Variants in SLC35F3 observed in about 807,000 individuals in gnomAD.
SLC35F3 encodes putative thiamine transporter SLC35F3.
A neutral mutation model predicts 49.9 loss-of-function variants in SLC35F3; 25 were observed. The observed-to-expected ratio is 0.50, with a 90% CI of 0.37 to 0.70. The LOEUF is 0.70. Among genes scored for constraint, SLC35F3 ranks in the 30% least tolerant of loss-of-function variants. The pLI is 0.00. For missense variants in SLC35F3, 525 were observed against 639.8 expected (o/e 0.82, Z 1.94); for synonymous variants, 275 against 265.4 (o/e 1.04, Z -0.35).
At chr1:234,093,990 C>G (rs1233171852) in intron 2 of SLC35F3, among the ~76,000 whole-genome samples, 1 of 152,236 alleles carries the variant, frequency 6.6e-6, no homozygotes, top group Non-Finnish European at 1.5e-5. Flanking sequence ...GCTGTCCAAG[C>G]AGCAGACCGC....
chr1:233,977,977 G>A (rs566661918), intron 2 of SLC35F3, among the ~76,000 whole-genome samples: 2 of 152,290 alleles, frequency 1.3e-5, no homozygotes, highest in South Asian at 2.1e-4. Context: ...GTTCAGAGAC[G>A]ACAAGGGATA....
At chr1:234,275,020 A>G (rs898082113) in intron 3 of SLC35F3, among the ~76,000 whole-genome samples, 3 of 152,286 alleles carry the variant, frequency 2.0e-5, no homozygotes, top group Middle Eastern at 6.8e-3. Context: ...CCACCTTGTG[A>G]CATATATTGC....
At chr1:234,089,980 T>G (rs1665017510) in intron 2 of SLC35F3, among the ~76,000 whole-genome samples, 1 of 152,264 alleles carries the variant, frequency 6.6e-6, no homozygotes, top group African/African-American at 2.4e-5. Flanking sequence ...TACTTTCCTT[T>G]GCAGATCATA....
At chr1:234,014,710 G>T (rs1479861901) in intron 2 of SLC35F3, among the ~76,000 whole-genome samples, 1 of 151,612 alleles carries the variant, frequency 6.6e-6, no homozygotes, top group South Asian at 2.1e-4. Flanking sequence ...AAGAAATTAA[G>T]AAAAAATTCC....
chr1:234,058,984 T>C (rs1664498095), intron 2 of SLC35F3, among the ~76,000 whole-genome samples: 1 of 152,226 alleles, frequency 6.6e-6, no homozygotes, highest in Admixed American at 6.5e-5. Context: ...TATTCCCTTA[T>C]GATACTTTAT....
chr1:233,940,927 T>G (rs1412381394), intron 2 of SLC35F3, among the ~76,000 whole-genome samples: 2 of 152,224 alleles, frequency 1.3e-5, no homozygotes, highest in African/African-American at 4.8e-5. Context: ...TATACTGATT[T>G]ACAACACTCA....
intron 2 of SLC35F3, among the ~76,000 whole-genome samples, chr1:234,057,696 G>A (rs558073201): frequency 2.0e-5 from 3 of 151,916 alleles, no homozygotes; most frequent in South Asian, 4.2e-4. Flanking sequence ...ACTGATGAGA[G>A]CAGATATCTG....
chr1:234,260,080 G>A (rs968035078), intron 3 of SLC35F3, among the ~76,000 whole-genome samples: 1 of 152,158 alleles, frequency 6.6e-6, no homozygotes, highest in Non-Finnish European at 1.5e-5. Context: ...AAATGAATAG[G>A]TTTTTAAATC....
chr1:234,001,474 A>G (rs1663552856), intron 2 of SLC35F3, among the ~76,000 whole-genome samples: 1 of 152,206 alleles, frequency 6.6e-6, no homozygotes, highest in Admixed American at 6.5e-5. Context: ...TCATGCTAAG[A>G]AAAGTTTTCA....
intron 3 of SLC35F3, among the ~76,000 whole-genome samples, chr1:234,303,270 G>A (rs929632481): frequency 2.6e-5 from 4 of 152,140 alleles, no homozygotes; most frequent in African/African-American, 7.2e-5. Flanking sequence ...TGATTTCCAT[G>A]TAATGATTGC....
Position 234,318,742 on chromosome 1 carries a change from C to T in SLC35F3, c.955-9C>T, listed in dbSNP as rs752311436. On this transcript the variant is annotated splice_polypyrimidine_tract_variant and intron_variant, in intron 5 of 7. Transcript: ENST00000366618. Reference sequence around the variant, plus strand: ...CCTTCACCCCGTCCTCCTCTGCTTTCTCCTACAGGTTTTGTTCAAGCTCCT... The same window carrying T: ...CCTTCACCCCGTCCTCCTCTGCTTTTTCCTACAGGTTTTGTTCAAGCTCCT... 1.9e-5 allele frequency: 30 copies of T among 1,612,554 alleles called. No homozygotes were observed. The highest frequency in any genetic ancestry group is 3.3e-4 in the Middle Eastern group (2 of 6,074).
chr1:234,130,473 TA>T (rs71170467), intron 2 of SLC35F3, among the ~76,000 whole-genome samples: 27 of 138,824 alleles, frequency 1.9e-4, no homozygotes, highest in Middle Eastern at 3.6e-3. Flanking sequence ...ACCCCGTCTC[TA>T]AAAAAAAAAA....
chr1:234,058,751 G>A (rs1264425088), intron 2 of SLC35F3, among the ~76,000 whole-genome samples: 1 of 152,080 alleles, frequency 6.6e-6, no homozygotes. Flanking sequence ...TTTTCTTATC[G>A]AGGTAATGCC....
At chr1:234,182,447 G>A (rs560546859) in intron 2 of SLC35F3, among the ~76,000 whole-genome samples, 1 of 152,326 alleles carries the variant, frequency 6.6e-6, no homozygotes, top group South Asian at 2.1e-4. Context: ...GGCTCTAGGA[G>A]TGCTGTTGCT....
At position 233,949,665 on chromosome 1, in the gene SLC35F3, A is replaced by G. The variant is rs545624029; in HGVS notation, c.283+43907A>G. Among the ~76,000 whole-genome samples, 6 of 152,230 alleles carry G rather than the reference A, an allele frequency of 3.9e-5. No individual in the cohort carries two copies. In the East Asian group the frequency reaches 1.2e-3, roughly 29 times the overall value. The stretch of plus-strand genomic sequence containing the variant: ...AGACCTTAGCCCTTTTACAGCATTC[A>G]CTGGGGCTTGTCATGTTAGGATCGC... On this transcript the variant is annotated intron_variant, in intron 2 of 7. Coordinates refer to ENST00000366618, the MANE Select transcript of SLC35F3 (RefSeq NM_173508.4).
intron 2 of SLC35F3, among the ~76,000 whole-genome samples, chr1:234,104,080 A>G (rs941948129): frequency 6.6e-6 from 1 of 152,208 alleles, no homozygotes; most frequent in Non-Finnish European, 1.5e-5. Flanking sequence ...ATTTGTTATT[A>G]CCTTAGTATA....
chr1:234,055,336 C>A (rs906668582), intron 2 of SLC35F3, among the ~76,000 whole-genome samples: 1 of 152,164 alleles, frequency 6.6e-6, no homozygotes, highest in Admixed American at 6.5e-5. Flanking sequence ...CTTTGTTTAC[C>A]TACTCAAGCC....
At chr1:234,292,340 G>T (rs181315360) in intron 3 of SLC35F3, among the ~76,000 whole-genome samples, 239 of 152,364 alleles carry the variant, frequency 1.6e-3, no homozygotes, top group Admixed American at 3.0e-3. Flanking sequence ...GGTCAGGGAA[G>T]ATTTTGACTC....
intron 3 of SLC35F3, among the ~76,000 whole-genome samples, chr1:234,298,455 GATA>G (rs1668639908): frequency 1.3e-5 from 2 of 152,166 alleles, no homozygotes; most frequent in Admixed American, 1.3e-4. Flanking sequence ...ATGAAAGAAG[GATA>G]ATAATAATCT....
Sources: allele counts gnomAD v4.1 joint callset (sites outside exome capture counted in the v4.1 genomes callset), GRCh38; gene constraint gnomAD v4.1.1; transcripts MANE v1.5; gene names NCBI Gene and HGNC (gene_info 2026-07-23, HGNC 2026-07-21).